KIF25: variants seen among roughly 807,000 people sequenced by gnomAD.
KIF25 encodes kinesin family member 25.
In KIF25, 19 loss-of-function variants were observed where a neutral mutation model predicts 32.9. The ratio of observed to expected loss-of-function variants is 0.58; its 90% CI spans 0.40 to 0.85. KIF25 has a LOEUF of 0.85. Among genes scored for constraint, KIF25 ranks in the 40% least tolerant of loss-of-function variants. The probability of loss-of-function intolerance (pLI) is 0.00; values close to 1 mark genes in which losing one functional copy is unlikely to be tolerated. For missense variants in KIF25, 485 were observed against 507.0 expected (o/e 0.96, Z 0.42); for synonymous variants, 225 against 213.7 (o/e 1.05, Z -0.46).
intron 4 of KIF25, among the ~76,000 whole-genome samples, chr6:168,009,275 T>C (rs1351796740): frequency 6.6e-6 from 1 of 152,086 alleles, no homozygotes; most frequent in East Asian, 1.9e-4. Context: ...TTTTTTTTTA[T>C]CATGAAAGGA....
chr6:168,000,811 T>A (rs200828101), intron 2 of KIF25, among the ~76,000 whole-genome samples: 48,963 of 151,690 alleles, frequency 0.32, 8,150 homozygotes, highest in East Asian at 0.52. Flanking sequence ...CTCCTGACTT[T>A]GCTTTGCTCA....
rs189420285 is a variant in KIF25 at position 168,022,644 on chromosome 6, C to T, written c.-95+4604C>T. On this transcript the variant is annotated intron_variant, in intron 5 of 12. Coordinates refer to ENST00000643607, the MANE Select transcript of KIF25 (RefSeq NM_030615.4). Reference sequence around the variant, plus strand: ...GTTCTATTGTGTCTGGTTCTTGTGGCGGCTGCTGTATTACTTGTATCTTTG... The same window carrying T: ...GTTCTATTGTGTCTGGTTCTTGTGGTGGCTGCTGTATTACTTGTATCTTTG... Among the ~76,000 whole-genome samples the T allele has an allele frequency of 1.6e-3, 250 of 152,082 alleles. 1 individual carries two copies. Among genetic ancestry groups the T allele is most frequent in the African/African-American group, 3.7e-3 (153 of 41,500 alleles).
chr6:168,012,855 A>G (rs1241163334), intron 4 of KIF25, among the ~76,000 whole-genome samples: 1 of 152,100 alleles, frequency 6.6e-6, no homozygotes, highest in East Asian at 1.9e-4. Context: ...ACGAGGGCAC[A>G]TGGCTGCTCA....
chr6:168,035,922 A>AGAGG, intron 8 of KIF25: 1 of 385,848 alleles, frequency 2.6e-6, no homozygotes, highest in South Asian at 1.9e-5. Flanking sequence ...CACGACCTGG[A>AGAGG]GAGGGGTGCA....
intron 4 of KIF25, among the ~76,000 whole-genome samples, chr6:168,010,149 G>A (rs1366047239): frequency 2.0e-5 from 3 of 151,942 alleles, no homozygotes; most frequent in African/African-American, 7.2e-5. Flanking sequence ...GCATCATAAT[G>A]TCATTTATAT....
At position 168,030,832 on chromosome 6, in the gene KIF25, C is replaced by A; in HGVS notation, c.152C>A (p.Thr51Asn). 1 of 1,612,766 alleles carries A rather than the reference C, an allele frequency of 6.2e-7. No individual in the cohort carries two copies. ...AVFGDVCPLL[T>N]SLLDGYNVCV... ...TTTGGAGATGTGTGCCCCCTACTCACTTCTCTCTTGGATGGGTGAGTTAAA... is the reference window on the plus strand; with the variant it reads ...TTTGGAGATGTGTGCCCCCTACTCAATTCTCTCTTGGATGGGTGAGTTAAA... Residue 51 changes from threonine (T) to asparagine (N), a missense_variant, in exon 7 of 13, where the codon ACT becomes AAT. By Grantham distance (65) the Thr-to-Asn change is moderately conservative (BLOSUM62 0). Around this residue, in one of 2 missense-constraint regions of KIF25, gnomAD observed 480 missense variants for 470.3 expected, o/e 1.02. Coordinates refer to ENST00000643607, the MANE Select transcript of KIF25 (RefSeq NM_030615.4).
rs114082426 is a variant in KIF25, at chr6:168,028,646, T to A, written c.-94-846T>A. ...AAAACCTGACAGCATATATAGTATT[T>A]TGGGGGGGATTGAGGTAAGTTTATA... On this transcript the variant is annotated intron_variant, in intron 5 of 12. Coordinates refer to ENST00000643607, the MANE Select transcript of KIF25 (RefSeq NM_030615.4). Among the ~76,000 whole-genome samples the A allele has an allele frequency of 2.7e-3, 415 of 152,288 alleles. 1 individual carries two copies. Among genetic ancestry groups the A allele is most frequent in the African/African-American group, 9.1e-3 (377 of 41,532 alleles).
At chr6:168,013,147 G>A (rs537625826) in intron 4 of KIF25, among the ~76,000 whole-genome samples, 18 of 152,052 alleles carry the variant, frequency 1.2e-4, no homozygotes, top group African/African-American at 4.3e-4. Context: ...CTCATGTCCT[G>A]AGCACAGGTG....
chr6:168,024,416 C>CCTCT (rs1328351959), intron 5 of KIF25, among the ~76,000 whole-genome samples: 1 of 134,248 alleles, frequency 7.4e-6, no homozygotes, highest in Non-Finnish European at 1.6e-5. Flanking sequence ...TTAGTAAAAA[C>CCTCT]CTCTCTCTTT....
chr6:168,028,145 T>A (rs6455477), intron 5 of KIF25, among the ~76,000 whole-genome samples: 52,030 of 151,942 alleles, frequency 0.34, 9,567 homozygotes, highest in East Asian at 0.58. Context: ...TATCTTTTTA[T>A]ATCTATTCAT....
chr6:168,006,197 G>A (rs562427674), intron 4 of KIF25, among the ~76,000 whole-genome samples: 2 of 151,560 alleles, frequency 1.3e-5, no homozygotes, highest in Admixed American at 6.6e-5. Flanking sequence ...CATGGTGATT[G>A]TATTCTATTT....
intron 5 of KIF25, among the ~76,000 whole-genome samples, chr6:168,022,627 G>A (rs1798802167): frequency 6.6e-6 from 1 of 152,102 alleles, no homozygotes; most frequent in African/African-American, 2.4e-5. Flanking sequence ...ATGTTCTATT[G>A]TGTCTGGTTC....
chr6:168,034,042 T>C lies in KIF25; in HGVS notation c.317+11T>C. 6.2e-7 allele frequency: 1 copy of C among 1,613,862 alleles called. No homozygotes were observed. Among genetic ancestry groups the C allele is most frequent in the Non-Finnish European group, 8.5e-7 (1 of 1,179,822 alleles). On this transcript the variant is annotated intron_variant, in intron 8 of 12. Coordinates refer to ENST00000643607, the MANE Select transcript of KIF25 (RefSeq NM_030615.4). ...TGAGGAGCTCTTCAGGTACTGCCGA[T>C]GGTGATGAGTGGGGCAGAGAAATAT...
intron 8 of KIF25, among the ~76,000 whole-genome samples, chr6:168,034,380 T>G (rs1798986182): frequency 6.6e-6 from 1 of 152,192 alleles, no homozygotes; most frequent in East Asian, 1.9e-4. Context: ...CTCCTCAGCC[T>G]CCCGAGTATC....
At chr6:168,023,119 G>A (rs1431550956) in intron 5 of KIF25, among the ~76,000 whole-genome samples, 3 of 152,086 alleles carry the variant, frequency 2.0e-5, no homozygotes, top group African/African-American at 7.2e-5. Context: ...CCTGCCTGCT[G>A]TCTCCAGAGG....
chr6:168,042,268 C>T, intron 11 of KIF25, 117 bp downstream of exon 11: 1 of 1,100,228 alleles, frequency 9.1e-7, no homozygotes. Context: ...GCATTTCCCC[C>T]TCCACAGGTG....
chr6:168,005,095 C>A (rs1199627805), intron 4 of KIF25, among the ~76,000 whole-genome samples: 2 of 151,994 alleles, frequency 1.3e-5, no homozygotes, highest in Admixed American at 6.6e-5. Context: ...GCACGAGCCA[C>A]CTGTCACAGG....
At chr6:168,006,332 A>G (rs186729495) in intron 4 of KIF25, among the ~76,000 whole-genome samples, 1 of 152,152 alleles carries the variant, frequency 6.6e-6, no homozygotes, top group East Asian at 1.9e-4. Flanking sequence ...GTGAGCCACC[A>G]CACCGGGCAA....
chr6:168,028,416 G>T (rs78973993), intron 5 of KIF25, among the ~76,000 whole-genome samples: 1,806 of 152,144 alleles, frequency 0.012, 43 homozygotes, highest in African/African-American at 0.041. Context: ...CTGACAGCCC[G>T]TTGCCACATG....
Sources: gnomAD v4.1 joint callset for allele counts (sites outside exome capture counted in the v4.1 genomes callset) on GRCh38, gnomAD v4.1.1 for gene constraint, gnomAD v4.1.1 regional missense constraint, MANE v1.5 for transcripts, NCBI Gene and HGNC (gene_info 2026-07-23, HGNC 2026-07-21) for gene names.